The following MECOM variants were observed in gnomAD, a reference collection of about 807,000 sequenced individuals.
MECOM encodes the protein histone-lysine N-methyltransferase MECOM.
MECOM carries 13 observed loss-of-function variants against 116.3 expected under a neutral mutation model. That is an observed-to-expected ratio of 0.11 (90% CI 0.07 to 0.18). The LOEUF is 0.18. MECOM is among the 10% of genes least tolerant of loss of function. MECOM has a pLI of 1.00. For synonymous variants in MECOM, 528 were observed against 535.2 expected (o/e 0.99, Z 0.19); for missense variants, 1,299 against 1,509.0 (o/e 0.86, Z 2.31).
At chr3:169,159,256 C>T (rs1375396529) in intron 2 of MECOM, among the ~76,000 whole-genome samples, 1 of 152,166 alleles carries the variant, frequency 6.6e-6, no homozygotes, top group Non-Finnish European at 1.5e-5. Flanking sequence ...TTCAGCCTCT[C>T]TTTTAGTATC....
At position 169,131,510 on chromosome 3, in the gene MECOM, C is replaced by T. The variant is rs751689316; in HGVS notation, c.532G>A (p.Asp178Asn). The change falls in exon 4 of 17, where the codon GAC becomes AAC. Residue 178 changes from aspartate (D) to asparagine (N), a missense_variant. Transcript: ENST00000651503. ...NDQIFYRVVA[D>N]IAPGEELLLF... The stretch of plus-strand genomic sequence containing the variant: ...AGAAGCTCCTCTCCCGGCGCAATGT[C>T]TGCAACTACTCTATAGAATATCTTT... 8 of 1,613,464 alleles carry T rather than the reference C, an allele frequency of 5.0e-6. No individual in the cohort carries two copies. In the South Asian group the frequency reaches 8.8e-5, roughly 18 times the overall value.
intron 12 of MECOM, among the ~76,000 whole-genome samples, chr3:169,097,185 G>C (rs954240861): frequency 3.9e-5 from 6 of 151,984 alleles, no homozygotes; most frequent in African/African-American, 1.5e-4. Context: ...TCATGAGGAA[G>C]AGAGATTATG....
chr3:169,499,387 TAA>T (rs1754251160), intron 1 of MECOM, among the ~76,000 whole-genome samples: 1 of 107,088 alleles, frequency 9.3e-6, no homozygotes, highest in Non-Finnish European at 1.9e-5. Flanking sequence ...ATAGTCAGAA[TAA>T]GAGAAGAACT....
chr3:169,489,845 T>C (rs867144810), intron 1 of MECOM, among the ~76,000 whole-genome samples: 3 of 152,202 alleles, frequency 2.0e-5, no homozygotes, highest in Non-Finnish European at 2.9e-5. Context: ...GATGCCACTA[T>C]GCATAAAAGC....
intron 1 of MECOM, among the ~76,000 whole-genome samples, chr3:169,456,884 C>G (rs977604930): frequency 1.3e-5 from 2 of 152,150 alleles, no homozygotes; most frequent in African/African-American, 4.8e-5. Flanking sequence ...ATGTTCTCGC[C>G]GGGTGTGCTT....
At chr3:169,409,153 G>A (rs1737168801) in intron 1 of MECOM, among the ~76,000 whole-genome samples, 1 of 152,144 alleles carries the variant, frequency 6.6e-6, no homozygotes, top group Admixed American at 6.5e-5. Context: ...ATAAAGTTGA[G>A]CAAATAATAT....
intron 2 of MECOM, among the ~76,000 whole-genome samples, chr3:169,168,963 T>C (rs960711511): frequency 6.6e-6 from 1 of 151,838 alleles, no homozygotes; most frequent in Non-Finnish European, 1.5e-5. Context: ...AGATAAAATA[T>C]CTTCATATAA....
intron 2 of MECOM, among the ~76,000 whole-genome samples, chr3:169,211,978 A>G (rs1471639493): frequency 1.3e-5 from 2 of 152,112 alleles, no homozygotes; most frequent in Non-Finnish European, 2.9e-5. Flanking sequence ...TCCACCTGCC[A>G]TCTGTTTTCC....
At chr3:169,295,868 G>A (rs182623168) in intron 2 of MECOM, among the ~76,000 whole-genome samples, 2 of 152,326 alleles carry the variant, frequency 1.3e-5, no homozygotes, top group African/African-American at 2.4e-5. Flanking sequence ...ACAATCACAA[G>A]TATATTCATG....
intron 1 of MECOM, among the ~76,000 whole-genome samples, chr3:169,648,061 T>C (rs1370065495): frequency 6.6e-6 from 1 of 152,232 alleles, no homozygotes; most frequent in Non-Finnish European, 1.5e-5. Flanking sequence ...AGCATTTTCC[T>C]CTTAGGAAAG....
At chr3:169,176,227 T>C (rs982717471) in intron 2 of MECOM, among the ~76,000 whole-genome samples, 4 of 152,072 alleles carry the variant, frequency 2.6e-5, no homozygotes, top group African/African-American at 9.7e-5. Context: ...GGCCACAGGT[T>C]GGACAAGCTA....
intron 12 of MECOM, among the ~76,000 whole-genome samples, chr3:169,096,193 C>T (rs976078554): frequency 7.2e-5 from 11 of 151,770 alleles, no homozygotes. Flanking sequence ...GGTAAAGATT[C>T]CATTATTTGC....
Position 169,090,250 on chromosome 3 carries a change from T to TAA in MECOM, c.3165-16_3165-15dup. On this transcript the variant is annotated splice_polypyrimidine_tract_variant and intron_variant, in intron 14 of 16. Transcript: ENST00000651503. Reference sequence around the variant, plus strand: ...CTGCCATTCATTCTTTCAAAAGCATTAAAAAAAAAGTCCAATTGTTGGTTT... The same window carrying TAA: ...CTGCCATTCATTCTTTCAAAAGCATTAAAAAAAAAAAGTCCAATTGTTGGTTT... 2 of 1,544,962 alleles carry TAA rather than the reference T, an allele frequency of 1.3e-6. No individual in the cohort carries two copies. Among genetic ancestry groups the TAA allele is most frequent in the South Asian group, 1.2e-5 (1 of 82,490 alleles).
intron 1 of MECOM, among the ~76,000 whole-genome samples, chr3:169,539,129 G>A (rs557135886): frequency 1.7e-4 from 26 of 151,956 alleles, no homozygotes; most frequent in Middle Eastern, 6.9e-3. Flanking sequence ...AGAATAGCTC[G>A]TTGTTCTTTA....
chr3:169,303,448 G>C (rs770100831), intron 2 of MECOM, among the ~76,000 whole-genome samples: 7 of 152,192 alleles, frequency 4.6e-5, no homozygotes, highest in Non-Finnish European at 7.3e-5. Context: ...GGAGGTGGAA[G>C]ACATGTTAGA....
intron 3 of MECOM, among the ~76,000 whole-genome samples, chr3:169,133,169 A>G (rs940415376): frequency 6.6e-6 from 1 of 152,006 alleles, no homozygotes; most frequent in African/African-American, 2.4e-5. Context: ...AACCACCATC[A>G]TATTCTAAGA....
intron 1 of MECOM, among the ~76,000 whole-genome samples, chr3:169,571,825 A>G (rs1479787999): frequency 1.3e-5 from 2 of 152,226 alleles, no homozygotes; most frequent in Non-Finnish European, 2.9e-5. Flanking sequence ...CTTACACCTT[A>G]TACAAAATTA....
intron 1 of MECOM, among the ~76,000 whole-genome samples, chr3:169,392,877 G>A (rs886198916): frequency 4.6e-5 from 7 of 152,130 alleles, no homozygotes; most frequent in African/African-American, 1.7e-4. Context: ...ATAGTAACGT[G>A]AGCATCAGAA....
intron 2 of MECOM, among the ~76,000 whole-genome samples, chr3:169,166,556 A>G (rs1171137103): frequency 1.3e-5 from 2 of 152,230 alleles, no homozygotes; most frequent in Non-Finnish European, 2.9e-5. Flanking sequence ...GTGAATAGCA[A>G]TCATGCAATA....
Sources: gnomAD v4.1 joint callset for allele counts (sites outside exome capture counted in the v4.1 genomes callset) on GRCh38, gnomAD v4.1.1 for gene constraint, MANE v1.5 for transcripts, NCBI Gene and HGNC (gene_info 2026-07-23, HGNC 2026-07-21) for gene names.